INTS4: variants seen among roughly 807,000 people sequenced by gnomAD.
The protein encoded by INTS4 is MSTP093.
INTS4 carries 70 observed loss-of-function variants against 119.5 expected under a neutral mutation model. The observed-to-expected ratio is 0.59, with a 90% CI of 0.48 to 0.71. The LOEUF (loss-of-function observed/expected upper bound fraction) is 0.71, where lower values mean the gene tolerates loss of function less well. Among genes scored for constraint, INTS4 ranks in the 30% least tolerant of loss-of-function variants. INTS4 has a pLI of 0.00. For missense variants in INTS4, 867 were observed against 1,173.2 expected (o/e 0.74, Z 3.81); for synonymous variants, 316 against 419.6 (o/e 0.75, Z 3.02).
chr11:77,961,564 C>T (rs1421812589), intron 4 of INTS4, among the ~76,000 whole-genome samples: 1 of 152,138 alleles, frequency 6.6e-6, no homozygotes, highest in Non-Finnish European at 1.5e-5. Flanking sequence ...CACAAATACA[C>T]ATATATAACA....
At chr11:77,958,866 T>G (rs1954396119) in intron 6 of INTS4, 32 bp from the exon 7 acceptor site, 2 of 1,303,378 alleles carry the variant, frequency 1.5e-6, no homozygotes, top group Middle Eastern at 2.5e-4. Flanking sequence ...GTCTATTAGT[T>G]CTGTGTCCTC....
intron 4 of INTS4, among the ~76,000 whole-genome samples, chr11:77,972,052 A>G (rs1855754767): frequency 6.6e-6 from 1 of 152,180 alleles, no homozygotes; most frequent in Non-Finnish European, 1.5e-5. Context: ...ACTGGCATCC[A>G]TATAGAAAAT....
At chr11:77,974,110 A>G (rs1208548710) in intron 4 of INTS4, among the ~76,000 whole-genome samples, 1 of 151,958 alleles carries the variant, frequency 6.6e-6, no homozygotes, top group South Asian at 2.1e-4. Flanking sequence ...CACTAATTCA[A>G]TTACTTTACT....
intron 15 of INTS4, among the ~76,000 whole-genome samples, chr11:77,913,123 G>T (rs2136464045): frequency 6.6e-6 from 1 of 152,130 alleles, no homozygotes; most frequent in East Asian, 1.9e-4. Context: ...TGTAAACTTT[G>T]AAAAACAGGA....
At chr11:77,988,331 T>A (rs1351501326) in intron 2 of INTS4, among the ~76,000 whole-genome samples, 2 of 152,200 alleles carry the variant, frequency 1.3e-5, no homozygotes, top group Non-Finnish European at 2.9e-5. Flanking sequence ...ATTTGTTGAG[T>A]AAAATGTATC....
At chr11:77,890,978 G>C (rs1283554121) in intron 21 of INTS4, among the ~76,000 whole-genome samples, 3 of 152,138 alleles carry the variant, frequency 2.0e-5, no homozygotes, top group Non-Finnish European at 4.4e-5. Flanking sequence ...ACAGTTTTCT[G>C]TAACAAAAGA....
At chr11:77,915,550 C>G (rs1416310369) in intron 15 of INTS4, among the ~76,000 whole-genome samples, 1 of 152,172 alleles carries the variant, frequency 6.6e-6, no homozygotes, top group African/African-American at 2.4e-5. Flanking sequence ...ACGGCACTCC[C>G]AGGGGAGCCC....
At chr11:77,913,657 A>G (rs1953139966) in intron 15 of INTS4, among the ~76,000 whole-genome samples, 8 of 152,206 alleles carry the variant, frequency 5.3e-5, no homozygotes, top group Admixed American at 5.2e-4. Context: ...TCCAACTATT[A>G]TCTATGTAAC....
downstream of INTS4, among the ~76,000 whole-genome samples, chr11:77,875,857 T>G (rs1951579912): frequency 1.3e-5 from 2 of 151,862 alleles, no homozygotes; most frequent in African/African-American, 4.8e-5. Flanking sequence ...GGCCTAGAGG[T>G]GACAGAAAAA....
intron 10 of INTS4, among the ~76,000 whole-genome samples, chr11:77,929,626 C>G (rs1435509245): frequency 6.6e-6 from 1 of 152,088 alleles, no homozygotes; most frequent in Non-Finnish European, 1.5e-5. Flanking sequence ...AGGAATAGGA[C>G]CAATACTCAG....
At chr11:77,928,011 A>G (rs1222191065) in intron 11 of INTS4, among the ~76,000 whole-genome samples, 1 of 152,208 alleles carries the variant, frequency 6.6e-6, no homozygotes, top group Admixed American at 6.5e-5. Flanking sequence ...TCTCAAAAGA[A>G]GAAGGCAAAA....
At chr11:77,994,178 T>A (rs1246521821) in intron 1 of INTS4, among the ~76,000 whole-genome samples, 1 of 152,064 alleles carries the variant, frequency 6.6e-6, no homozygotes, top group Admixed American at 6.6e-5. Flanking sequence ...TGGGAGGTTT[T>A]TTTTTGGAAC....
chr11:77,917,459 G>A (rs1187054695), intron 15 of INTS4, among the ~76,000 whole-genome samples: 9 of 151,364 alleles, frequency 5.9e-5, no homozygotes, highest in South Asian at 2.1e-4. Flanking sequence ...GATTACAGGC[G>A]CGTGCCACCA....
rs1395850921 is a variant in INTS4, at chr11:77,960,981, C to T, written c.629G>A (p.Arg210His). 7 of 1,611,424 alleles carry T rather than the reference C, an allele frequency of 4.3e-6. No homozygotes were observed. Among genetic ancestry groups the T allele is most frequent in the Non-Finnish European group, 5.9e-6 (7 of 1,178,928 alleles). ...GGCTTTTATAGCTGCTGTTCTGACA[C>T]GTGGGTCTTGGTCACTGAAGTAATC... ...IGDYFSDQDPRVRTAAIKAML... is the reference protein window; with the variant it reads ...IGDYFSDQDPHVRTAAIKAML... The change falls in exon 5 of 23, where the codon CGT (arginine) becomes CAT (histidine). Residue 210 changes from arginine (R) to histidine (H), a missense_variant. This residue lies in a region of INTS4 where 208 missense variants were observed against 306.6 expected (regional missense o/e 0.68). Transcript: ENST00000534064.
chr11:77,991,292 T>C lies in INTS4; in HGVS notation c.62A>G (p.Glu21Gly). ...TCGGAGTTTCTTAGTAGCAATTTCC[T>C]CCTGTGGCTGCAAGGGGTAGAGAAA... ...EEFTKVVQPQ[E>G]EIATKKLRLT... is the part of the protein sequence containing the mutation. Residue 21 changes from glutamate to glycine, a missense_variant, in exon 2 of 23, where the codon GAG (glutamate) becomes GGG (glycine). Transcript: ENST00000534064. The C allele has an allele frequency of 6.2e-7, 1 of 1,612,964 alleles. No homozygotes were observed. The highest frequency in any genetic ancestry group is 8.5e-7 in the Non-Finnish European group (1 of 1,179,018).
chr11:77,951,169 T>A lies in INTS4; in HGVS notation c.918+4773A>T, dbSNP rs1954184809. ...TCCAAGTCTTTGCTATTGTGAATAG[T>A]GCCACAATAAACATACATGTGCTTG... On this transcript the variant is annotated intron_variant, in intron 8 of 22. Transcript: ENST00000534064. 5.9e-5 allele frequency among the ~76,000 whole-genome samples: 9 copies of A among 152,300 alleles called. 1 individual carries two copies. The South Asian group carries it at 1.9e-3, about 32-fold the overall frequency.
At chr11:77,926,823 AAAAGG>A (rs1304077983) in intron 11 of INTS4, among the ~76,000 whole-genome samples, 5 of 150,558 alleles carry the variant, frequency 3.3e-5, no homozygotes, top group South Asian at 2.1e-4. Flanking sequence ...AAAAAAAAAA[AAAAGG>A]AAAGGAAAGG....
At chr11:77,932,533 G>A (rs1220550486) in intron 10 of INTS4, among the ~76,000 whole-genome samples, 1 of 152,224 alleles carries the variant, frequency 6.6e-6, no homozygotes, top group Non-Finnish European at 1.5e-5. Context: ...TTCAGCCATT[G>A]TGGAAGACAG....
intron 19 of INTS4, among the ~76,000 whole-genome samples, chr11:77,893,143 G>T (rs1952351627): frequency 6.6e-6 from 1 of 152,148 alleles, no homozygotes; most frequent in South Asian, 2.1e-4. Context: ...CAGAAGTCTG[G>T]TCACTCCCTC....
Sources: gnomAD v4.1 joint callset for allele counts (sites outside exome capture counted in the v4.1 genomes callset) on GRCh38, gnomAD v4.1.1 for gene constraint, gnomAD v4.1.1 regional missense constraint, MANE v1.5 for transcripts, NCBI Gene and HGNC (gene_info 2026-07-23, HGNC 2026-07-21) for gene names.